Variants in DMD observed in about 807,000 individuals in gnomAD.
DMD encodes the protein mutant dystrophin.
In DMD, 63 loss-of-function variants were observed where a neutral mutation model predicts 330.1. That is an observed-to-expected ratio of 0.19 (90% CI 0.16 to 0.24). The LOEUF is 0.24. Ranked by LOEUF, DMD falls within the 10% of genes least tolerant of loss-of-function variation. DMD has a pLI of 1.00. For synonymous variants in DMD, 1,223 were observed against 959.8 expected, an observed-to-expected ratio of 1.27 and a Z score of -5.07; for missense variants, 3,344 against 2,684.1, an observed-to-expected ratio of 1.25 and a Z score of -5.43.
intron 7 of DMD, among the ~76,000 whole-genome samples, chrX:32,737,156 A>G (rs2068623900): frequency 9.1e-6 from 1 of 110,260 alleles, no homozygotes; most frequent in South Asian, 3.8e-4. Flanking sequence ...GGGACATAAA[A>G]TCTATATAAT....
intron 47 of DMD, among the ~76,000 whole-genome samples, chrX:31,927,754 G>A (rs187851330): frequency 7.9e-4 from 87 of 110,772 alleles, no homozygotes; most frequent in Non-Finnish European, 1.3e-3. Flanking sequence ...TTTATCAGTC[G>A]TGTAAATGAT....
At chrX:31,987,002 C>T (rs1210304266) in intron 44 of DMD, among the ~76,000 whole-genome samples, 2 of 111,770 alleles carry the variant, frequency 1.8e-5, no homozygotes, top group South Asian at 3.7e-4. Flanking sequence ...CTATATTTAT[C>T]TATTTATCAT....
At chrX:31,903,217 TA>T (rs886787525) in intron 47 of DMD, among the ~76,000 whole-genome samples, 1 of 112,013 alleles carries the variant, frequency 8.9e-6, no homozygotes, top group Non-Finnish European at 1.9e-5. Flanking sequence ...TGAGATATTT[TA>T]TTTTTTTCAT....
chrX:32,252,717 TATATATAA>T (rs1456813691), intron 43 of DMD, among the ~76,000 whole-genome samples: 6 of 50,644 alleles, frequency 1.2e-4, no homozygotes, highest in East Asian at 7.9e-4. Context: ...AATATATAAA[TATATATAA>T]ATATATAAAT....
intron 1 of DMD, among the ~76,000 whole-genome samples, chrX:33,298,594 T>G: frequency 9.0e-6 from 1 of 111,547 alleles, no homozygotes; most frequent in Non-Finnish European, 1.9e-5. Context: ...TTTAGGAAAA[T>G]CTTTAGTAAT....
intron 43 of DMD, among the ~76,000 whole-genome samples, chrX:32,252,717 TA>T (rs1326654510): frequency 2.0e-5 from 1 of 50,646 alleles, no homozygotes; most frequent in Non-Finnish European, 3.2e-5. Context: ...AATATATAAA[TA>T]TATATAAATA....
Position 32,596,037 on chromosome X carries a change from C to A in DMD, c.1483-161G>T, listed in dbSNP as rs925127581. On this transcript the variant is annotated intron_variant, in intron 12 of 78. Coordinates refer to ENST00000357033, the MANE Select transcript of DMD (RefSeq NM_004006.3). Reference sequence around the variant, plus strand: ...CAAGCCAATTTTCTGCTATGACGCTCAGCAAAATTTATATGTTCTATTGTT... The same window carrying A: ...CAAGCCAATTTTCTGCTATGACGCTAAGCAAAATTTATATGTTCTATTGTT... Among the ~76,000 whole-genome samples the A allele has an allele frequency of 5.4e-5, 6 of 111,987 alleles. No homozygotes were observed. The Admixed American group carries it at 5.7e-4, about 11-fold the overall frequency.
intron 48 of DMD, among the ~76,000 whole-genome samples, chrX:31,874,707 C>T (rs2093942531): frequency 9.0e-6 from 1 of 110,947 alleles, no homozygotes; most frequent in Non-Finnish European, 1.9e-5. Context: ...CTCATCTTTG[C>T]ACTCCCCTGT....
At chrX:32,968,289 A>C (rs1487894536) in intron 2 of DMD, among the ~76,000 whole-genome samples, 1 of 110,344 alleles carries the variant, frequency 9.1e-6, no homozygotes, top group Non-Finnish European at 1.9e-5. Flanking sequence ...CACCACTGAA[A>C]GTTTTCAGTT....
At position 33,050,222 on chromosome X, in the gene DMD, TAATA is replaced by T. The variant is rs1259818035; in HGVS notation, c.32-30026_32-30023del. Among the ~76,000 whole-genome samples the T allele has an allele frequency of 4.5e-5, 5 of 111,907 alleles. 1 individual carries two copies. In the Middle Eastern group the frequency reaches 0.019, roughly 420 times the overall value. On this transcript the variant is annotated intron_variant, in intron 1 of 78. Coordinates refer to ENST00000357033, the MANE Select transcript of DMD (RefSeq NM_004006.3). ...ATGTTTGCTCTGAATAGATATTTGC[TAATA>T]AATAATTTTTTCATGTGATAAGTGT...
intron 26 of DMD, among the ~76,000 whole-genome samples, chrX:32,449,477 G>C (rs2098320447): frequency 9.1e-6 from 1 of 109,580 alleles, no homozygotes; most frequent in Non-Finnish European, 1.9e-5. Flanking sequence ...TTCTGGACAA[G>C]ATACGATACC....
intron 42 of DMD, among the ~76,000 whole-genome samples, chrX:32,295,042 C>G (rs2097489819): frequency 9.0e-6 from 1 of 111,333 alleles, no homozygotes; most frequent in Admixed American, 9.6e-5. Context: ...AATATGATGT[C>G]AAAATGATAA....
chrX:31,841,346 G>A (rs939478623), intron 48 of DMD, among the ~76,000 whole-genome samples: 2 of 111,813 alleles, frequency 1.8e-5, no homozygotes, highest in African/African-American at 6.5e-5. Context: ...GCTTTAGGAC[G>A]AAGCCCTCTC....
At chrX:31,936,481 T>C in intron 45 of DMD, among the ~76,000 whole-genome samples, 1 of 111,896 alleles carries the variant, frequency 8.9e-6, no homozygotes, top group East Asian at 2.8e-4. Flanking sequence ...AAATGTTGTA[T>C]GTGTGTACAT....
At chrX:32,388,933 G>A (rs1274877659) in intron 32 of DMD, among the ~76,000 whole-genome samples, 2 of 111,191 alleles carry the variant, frequency 1.8e-5, no homozygotes, top group Non-Finnish European at 3.8e-5. Context: ...TAGGCTATTT[G>A]TACCTTTCCA....
chrX:33,102,597 T>C (rs1429505466), intron 1 of DMD, among the ~76,000 whole-genome samples: 1 of 111,559 alleles, frequency 9.0e-6, no homozygotes, highest in African/African-American at 3.3e-5. Context: ...GAATAAATAA[T>C]AATGATGTAT....
chrX:32,842,390 A>C (rs1291598526), intron 4 of DMD, among the ~76,000 whole-genome samples: 1 of 112,134 alleles, frequency 8.9e-6, no homozygotes, highest in Non-Finnish European at 1.9e-5. Flanking sequence ...TGCTCATTGT[A>C]ATAGTGTAAA....
intron 44 of DMD, among the ~76,000 whole-genome samples, chrX:32,181,578 G>T (rs756702406): frequency 1.8e-5 from 2 of 111,494 alleles, no homozygotes; most frequent in Middle Eastern, 4.6e-3. Flanking sequence ...CGGGTTAAAG[G>T]TCATTGGTTT....
chrX:31,831,461 G>A (rs761676372), intron 49 of DMD, among the ~76,000 whole-genome samples: 66 of 111,935 alleles, frequency 5.9e-4, no homozygotes, highest in Non-Finnish European at 1.1e-3. Flanking sequence ...ATGTTTACAA[G>A]TTGCCCAAAA....
Sources: gnomAD v4.1 joint callset for allele counts (sites outside exome capture counted in the v4.1 genomes callset) on GRCh38, gnomAD v4.1.1 for gene constraint, MANE v1.5 for transcripts, NCBI Gene and HGNC (gene_info 2026-07-23, HGNC 2026-07-21) for gene names.